SYT9: variants seen among roughly 807,000 people sequenced by gnomAD.
SYT9 encodes the protein synaptotagmin 9.
In SYT9, 22 loss-of-function variants were observed where a neutral mutation model predicts 48.4. That is an observed-to-expected ratio of 0.45 (90% CI 0.32 to 0.65). SYT9 has a LOEUF of 0.65. Ranked by LOEUF, SYT9 falls within the 30% of genes least tolerant of loss-of-function variation. The pLI is 0.03. For synonymous variants in SYT9, 265 were observed against 245.0 expected, an observed-to-expected ratio of 1.08 and a Z score of -0.76; for missense variants, 577 against 622.0, an observed-to-expected ratio of 0.93 and a Z score of 0.77.
rs7119034 is a variant in SYT9 at position 7,468,750 on chromosome 11, A to T, written c.*1950A>T. Reference sequence around the variant, plus strand: ...GAGGCAGCTGTGCCTACTGTTCCCCACCTCAGAAGCTTCCTGCCCAGAGAG... The same window carrying T: ...GAGGCAGCTGTGCCTACTGTTCCCCTCCTCAGAAGCTTCCTGCCCAGAGAG... On this transcript the variant is annotated 3_prime_UTR_variant, in exon 7 of 7. Coordinates refer to ENST00000318881, the MANE Select transcript of SYT9 (RefSeq NM_175733.4). 1,046 of 154,908 alleles carry T rather than the reference A, an allele frequency of 6.8e-3. 9 individuals are homozygous for T. The highest frequency in any genetic ancestry group is 0.024 in the African/African-American group (992 of 41,660). The allele number at this position is 154,908 out of a possible 1,614,324, so 9.6% of individuals were successfully genotyped here. A position where few individuals can be genotyped will look rare whatever the true frequency, so the allele number is the denominator to read the frequency against.
At chr11:7,386,887 T>C (rs1304177472) in intron 3 of SYT9, among the ~76,000 whole-genome samples, 1 of 152,180 alleles carries the variant, frequency 6.6e-6, no homozygotes, top group Non-Finnish European at 1.5e-5. Context: ...AGCAAAGACT[T>C]GGAACCAATC....
At chr11:7,378,501 A>G (rs1437648894) in intron 3 of SYT9, among the ~76,000 whole-genome samples, 1 of 151,984 alleles carries the variant, frequency 6.6e-6, no homozygotes, top group African/African-American at 2.4e-5. Context: ...AATGAACATG[A>G]CTTGGTGACC....
At chr11:7,365,078 C>G (rs1261068897) in intron 3 of SYT9, among the ~76,000 whole-genome samples, 1 of 152,090 alleles carries the variant, frequency 6.6e-6, no homozygotes, top group African/African-American at 2.4e-5. Context: ...CGCACATATT[C>G]TGCCTTCACT....
At chr11:7,413,325 T>A in intron 3 of SYT9, among the ~76,000 whole-genome samples, 1 of 152,184 alleles carries the variant, frequency 6.6e-6, no homozygotes, top group Non-Finnish European at 1.5e-5. Flanking sequence ...GGGCAAGACA[T>A]AGTCCTTTAG....
intron 1 of SYT9, among the ~76,000 whole-genome samples, chr11:7,299,280 T>G (rs1032438775): frequency 6.6e-6 from 1 of 152,098 alleles, no homozygotes; most frequent in African/African-American, 2.4e-5. Flanking sequence ...ATGGCCTTAG[T>G]GATTCCAAAG....
At chr11:7,412,758 G>C (rs60477206) in intron 3 of SYT9, among the ~76,000 whole-genome samples, 3,459 of 152,258 alleles carry the variant, frequency 0.023, 116 homozygotes, top group African/African-American at 0.078. Flanking sequence ...CAATAGCAGT[G>C]ATTGGGCCAC....
At chr11:7,322,316 T>C (rs570813490) in intron 3 of SYT9, among the ~76,000 whole-genome samples, 7 of 152,284 alleles carry the variant, frequency 4.6e-5, no homozygotes, top group African/African-American at 1.7e-4. Flanking sequence ...GACCGGCTGC[T>C]TAACTGATCC....
Position 7,393,954 on chromosome 11 carries a change from CTTTTTCT to C in SYT9, c.1045-22082_1045-22076del, listed in dbSNP as rs1020122147. ...GGTTGTAATGTCACCATTGTCATTT[CTTTTTCT>C]TTTTTTTTTTTTAATATACTTTAAG... On this transcript the variant is annotated intron_variant, in intron 3 of 6. Transcript: ENST00000318881. Among the ~76,000 whole-genome samples, 280 of 30,238 alleles carry C rather than the reference CTTTTTCT, an allele frequency of 9.3e-3. 5 individuals are homozygous for C. The highest frequency in any genetic ancestry group is 2.2e-3 in the Non-Finnish European group (40 of 17,898). 19.8% of individuals were successfully genotyped at this position (30,238 alleles called of 152,430 possible).
chr11:7,308,299 G>A (rs191662959), intron 2 of SYT9, among the ~76,000 whole-genome samples: 3 of 152,260 alleles, frequency 2.0e-5, no homozygotes, highest in Admixed American at 1.3e-4. Flanking sequence ...ACTGGTGCCC[G>A]AGAACCAGGG....
At chr11:7,333,391 C>T (rs943685873) in intron 3 of SYT9, among the ~76,000 whole-genome samples, 9 of 152,158 alleles carry the variant, frequency 5.9e-5, no homozygotes, top group Non-Finnish European at 1.2e-4. Context: ...GCTATGACTT[C>T]GTTTTCTATA....
chr11:7,311,997 G>A (rs2133950449), intron 2 of SYT9, among the ~76,000 whole-genome samples: 1 of 149,440 alleles, frequency 6.7e-6, no homozygotes, highest in Non-Finnish European at 1.5e-5. Flanking sequence ...CTCTAAAAGA[G>A]ATTAAAATCT....
intron 1 of SYT9, among the ~76,000 whole-genome samples, chr11:7,271,995 A>G (rs1848306399): frequency 1.3e-5 from 2 of 152,214 alleles, no homozygotes; most frequent in African/African-American, 4.8e-5. Context: ...GTCTTTTACC[A>G]TTGAATCTGC....
At chr11:7,383,208 G>T (rs1047137655) in intron 3 of SYT9, among the ~76,000 whole-genome samples, 1 of 152,196 alleles carries the variant, frequency 6.6e-6, no homozygotes, top group Non-Finnish European at 1.5e-5. Flanking sequence ...ACACTTGAGA[G>T]AAATGTTACA....
intron 3 of SYT9, among the ~76,000 whole-genome samples, chr11:7,356,847 C>T (rs1441167694): frequency 1.3e-5 from 2 of 152,190 alleles, no homozygotes; most frequent in Non-Finnish European, 2.9e-5. Context: ...TAAACTGTTA[C>T]TGTGTGCCAG....
intron 3 of SYT9, among the ~76,000 whole-genome samples, chr11:7,373,266 G>T (rs1424546225): frequency 5.3e-5 from 8 of 152,052 alleles, no homozygotes; most frequent in Non-Finnish European, 8.8e-5. Context: ...TGGTTTCAGG[G>T]TTATACTAAA....
intron 3 of SYT9, among the ~76,000 whole-genome samples, chr11:7,349,196 G>T (rs538817116): frequency 5.9e-5 from 9 of 152,048 alleles, no homozygotes; most frequent in African/African-American, 1.9e-4. Flanking sequence ...CCGGGGACTG[G>T]GGGGAGGGGA....
In SYT9 at chr11:7,288,323, T is replaced by C. The variant is rs186074853; in HGVS notation, c.146-14716T>C. Among the ~76,000 whole-genome samples the C allele has an allele frequency of 8.0e-3, 1,210 of 152,110 alleles. 10 individuals carry two copies. Among genetic ancestry groups the C allele is most frequent in the Middle Eastern group, 0.024 (7 of 294 alleles). On this transcript the variant is annotated intron_variant, in intron 1 of 6. Coordinates refer to ENST00000318881, the MANE Select transcript of SYT9 (RefSeq NM_175733.4). ...AAAAACTCTTCATCTACCTTCCCCT[T>C]CCTTAGTTGATTTTCTTCTCTTATA...
intron 3 of SYT9, among the ~76,000 whole-genome samples, chr11:7,384,174 T>A (rs1453336231): frequency 6.6e-6 from 1 of 152,156 alleles, no homozygotes; most frequent in Non-Finnish European, 1.5e-5. Flanking sequence ...TGTATCATTA[T>A]TGTTATGTAA....
At chr11:7,373,337 A>G (rs567058899) in intron 3 of SYT9, among the ~76,000 whole-genome samples, 1 of 152,168 alleles carries the variant, frequency 6.6e-6, no homozygotes, top group Non-Finnish European at 1.5e-5. Flanking sequence ...TTTTTAATAC[A>G]TCAGCTACAC....
Sources: gnomAD v4.1 joint callset for allele counts (sites outside exome capture counted in the v4.1 genomes callset) on GRCh38, gnomAD v4.1.1 for gene constraint, MANE v1.5 for transcripts, NCBI Gene and HGNC (gene_info 2026-07-23, HGNC 2026-07-21) for gene names.